KCNMA1: variants seen among roughly 807,000 people sequenced by gnomAD.
KCNMA1 encodes Calcium-activated potassium channel subunit alpha-1.
In KCNMA1, 29 loss-of-function variants were observed where a neutral mutation model predicts 140.0. That is an observed-to-expected ratio of 0.21 (90% confidence interval 0.15 to 0.28). The LOEUF is 0.28. KCNMA1 is among the 10% of genes least tolerant of loss of function. The pLI is 1.00. For synonymous variants in KCNMA1, 612 were observed against 611.9 expected, an observed-to-expected ratio of 1.00 and a Z score of 0.00; for missense variants, 880 against 1,602.2, an observed-to-expected ratio of 0.55 and a Z score of 7.70.
intron 2 of KCNMA1, among the ~76,000 whole-genome samples, chr10:77,257,688 G>C (rs1159038379): frequency 6.6e-6 from 1 of 152,150 alleles, no homozygotes; most frequent in Non-Finnish European, 1.5e-5. Context: ...GACCTGGTGG[G>C]AGGTAATTGA....
At chr10:76,938,349 C>A (rs1415630414) in intron 23 of KCNMA1, among the ~76,000 whole-genome samples, 2 of 152,214 alleles carry the variant, frequency 1.3e-5, no homozygotes, top group African/African-American at 2.4e-5. Context: ...CTCCACTCTG[C>A]CATCCTCTGA....
rs117476875 is a variant in KCNMA1 at position 77,290,392 on chromosome 10, G to A, written c.541-39136C>T. Among the ~76,000 whole-genome samples, 143 of 152,312 alleles carry A rather than the reference G, an allele frequency of 9.4e-4. 1 individual carries two copies. The East Asian group carries it at 0.026, about 28-fold the overall frequency. On this transcript the variant is annotated intron_variant, in intron 2 of 27. Coordinates refer to ENST00000286628, the MANE Select transcript of KCNMA1 (RefSeq NM_001161352.2). ...TGTCATAGAAGTAGCGGTGCTTGCA[G>A]TAAGAAGTCAGATCAGACTTTACAA...
intron 1 of KCNMA1, among the ~76,000 whole-genome samples, chr10:77,625,987 A>C (rs908257302): frequency 6.6e-6 from 1 of 151,454 alleles, no homozygotes; most frequent in Non-Finnish European, 1.5e-5. Flanking sequence ...AAGGGTTCCA[A>C]TTTCTCCACA....
At chr10:77,497,763 T>C (rs1047850996) in intron 1 of KCNMA1, among the ~76,000 whole-genome samples, 2 of 152,224 alleles carry the variant, frequency 1.3e-5, no homozygotes, top group Non-Finnish European at 2.9e-5. Context: ...CCTAGGACTT[T>C]GTATTTGAGG....
intron 18 of KCNMA1, among the ~76,000 whole-genome samples, chr10:77,009,097 T>C (rs2090051318): frequency 6.6e-6 from 1 of 152,094 alleles, no homozygotes; most frequent in Non-Finnish European, 1.5e-5. Context: ...GCCAAAGGCC[T>C]TTGTGAGATG....
chr10:77,189,585 G>T (rs1424493580), intron 3 of KCNMA1, among the ~76,000 whole-genome samples: 1 of 152,160 alleles, frequency 6.6e-6, no homozygotes, highest in Non-Finnish European at 1.5e-5. Context: ...GAAATGGTAA[G>T]TAGCTTAAGA....
At chr10:77,036,127 C>T (rs1168160894) in intron 15 of KCNMA1, among the ~76,000 whole-genome samples, 2 of 152,170 alleles carry the variant, frequency 1.3e-5, no homozygotes, top group Non-Finnish European at 2.9e-5. Context: ...CTTTCTCCTG[C>T]GCTGGATGCT....
Position 76,918,947 on chromosome 10 carries a change from C to CACACACACAT in KCNMA1, c.2903-3899_2903-3898insATGTGTGTGT, listed in dbSNP as rs781774396. ...ACACACACACACACACACACACACA[C>CACACACACAT]ATATATATGTGAGTGAATACTACAC... On this transcript the variant is annotated intron_variant, in intron 23 of 27. Transcript: ENST00000286628. Among the ~76,000 whole-genome samples, 7 of 146,992 alleles carry CACACACACAT rather than the reference C, an allele frequency of 4.8e-5. No homozygotes were observed. In the East Asian group the frequency reaches 1.4e-3, roughly 30 times the overall value.
At chr10:77,019,162 CT>C in intron 16 of KCNMA1, 63 bp from the exon 17 acceptor site, 1 of 900,518 alleles carries the variant, frequency 1.1e-6, no homozygotes, top group Non-Finnish European at 1.8e-6. Flanking sequence ...TGAATAAAAC[CT>C]TGAAGGCTAC....
intron 1 of KCNMA1, among the ~76,000 whole-genome samples, chr10:77,430,381 C>T (rs2097127170): frequency 6.6e-6 from 1 of 152,140 alleles, no homozygotes; most frequent in Admixed American, 6.5e-5. Context: ...TTGCTCCTTC[C>T]CACTCTCCTG....
At chr10:77,520,126 A>G (rs74475894) in intron 1 of KCNMA1, among the ~76,000 whole-genome samples, 60 of 49,424 alleles carry the variant, frequency 1.2e-3, no homozygotes, top group South Asian at 1.8e-3. Context: ...GGTCCGGGGT[A>G]TGCAGTGTGA....
At chr10:77,408,348 C>T (rs988101500) in intron 1 of KCNMA1, among the ~76,000 whole-genome samples, 2 of 152,302 alleles carry the variant, frequency 1.3e-5, no homozygotes, top group South Asian at 2.1e-4. Context: ...GTAGGGGCAG[C>T]CCGATGTCAG....
Position 77,406,015 on chromosome 10 carries a change from C to A in KCNMA1, c.379-1992G>T, listed in dbSNP as rs535706035. Among the ~76,000 whole-genome samples the A allele has an allele frequency of 3.9e-5, 6 of 152,296 alleles. No individual in the cohort carries two copies. In the South Asian group the frequency reaches 1.2e-3, roughly 32 times the overall value. On this transcript the variant is annotated intron_variant, in intron 1 of 27. Transcript: ENST00000286628. ...CTGCAGCCCTGGACGCTAATATTTTCTTTCCAAATGTGTTAAGCCCCACAG... is the reference window on the plus strand; with the variant it reads ...CTGCAGCCCTGGACGCTAATATTTTATTTCCAAATGTGTTAAGCCCCACAG...
At chr10:77,394,685 T>C (rs1180149815) in intron 2 of KCNMA1, among the ~76,000 whole-genome samples, 1 of 152,218 alleles carries the variant, frequency 6.6e-6, no homozygotes, top group African/African-American at 2.4e-5. Context: ...TAGTTGAGCT[T>C]GGGGAAGTGA....
intron 1 of KCNMA1, among the ~76,000 whole-genome samples, chr10:77,630,002 C>G (rs561352611): frequency 1.3e-5 from 2 of 152,196 alleles, no homozygotes. Context: ...AGAAAAGGAG[C>G]TACTTTCACT....
intron 2 of KCNMA1, among the ~76,000 whole-genome samples, chr10:77,282,574 C>T (rs2069041825): frequency 6.6e-6 from 1 of 152,180 alleles, no homozygotes; most frequent in Non-Finnish European, 1.5e-5. Context: ...AACTGTGGGA[C>T]TTTGTTGACT....
At chr10:77,383,412 A>ATT (rs11326515) in intron 2 of KCNMA1, among the ~76,000 whole-genome samples, 14 of 143,584 alleles carry the variant, frequency 9.8e-5, no homozygotes, top group African/African-American at 3.3e-4. Context: ...TAACCTCGAG[A>ATT]TTTTTTTTTT....
intron 1 of KCNMA1, among the ~76,000 whole-genome samples, chr10:77,476,786 C>T (rs1447415013): frequency 2.6e-5 from 4 of 152,184 alleles, no homozygotes; most frequent in East Asian, 3.9e-4. Flanking sequence ...CAAAAGAGGT[C>T]GGGGCACCTC....
intron 15 of KCNMA1, among the ~76,000 whole-genome samples, chr10:77,028,695 G>A (rs551034701): frequency 1.3e-5 from 2 of 151,996 alleles, no homozygotes; most frequent in Non-Finnish European, 2.9e-5. Context: ...GGCTGTGGTC[G>A]CTCCCTATTG....
Sources: allele counts gnomAD v4.1 joint callset (sites outside exome capture counted in the v4.1 genomes callset), GRCh38; gene constraint gnomAD v4.1.1; transcripts MANE v1.5; gene names NCBI Gene and HGNC (gene_info 2026-07-23, HGNC 2026-07-21).